The following LRRIQ1 variants were observed in gnomAD, a reference collection of about 807,000 sequenced individuals.
The protein encoded by LRRIQ1 is leucine-rich repeat- and IQ domain-containing protein 1.
Under a neutral mutation model 211.9 loss-of-function variants are expected in LRRIQ1, and 210 were observed. That is an observed-to-expected ratio of 0.99 (90% CI 0.89 to 1.11). LRRIQ1 has a LOEUF of 1.11. LRRIQ1 is among the 50% of genes most tolerant of loss of function. The pLI is 0.00. For missense variants in LRRIQ1, 2,136 were observed against 1,939.5 expected (o/e 1.10, Z -1.90); for synonymous variants, 699 against 650.1 (o/e 1.08, Z -1.14).
At chr12:85,270,683 C>T in the LRRIQ1 span, among the ~76,000 whole-genome samples, 1 of 151,972 alleles carries the variant, frequency 6.6e-6, no homozygotes, top group Non-Finnish European at 1.5e-5. Context: ...AAATATATAA[C>T]AACAACAAAC....
chr12:85,171,056 G>T (rs7302312), intron 24 of LRRIQ1, among the ~76,000 whole-genome samples: 91,019 of 151,976 alleles, frequency 0.6, 29,590 homozygotes, highest in African/African-American at 0.87. Context: ...AGAGAAACAA[G>T]AGACGATGTA....
intron 11 of LRRIQ1, among the ~76,000 whole-genome samples, chr12:85,088,806 G>T (rs1885092859): frequency 1.3e-5 from 2 of 152,190 alleles, no homozygotes; most frequent in African/African-American, 2.4e-5. Context: ...CTGAGACTTT[G>T]CTGAAGTTGC....
At chr12:85,222,978 T>C (rs1894472688) in intron 24 of LRRIQ1, among the ~76,000 whole-genome samples, 1 of 152,172 alleles carries the variant, frequency 6.6e-6, no homozygotes, top group African/African-American at 2.4e-5. Flanking sequence ...GGACTAGATC[T>C]TATTTCTGAT....
chr12:85,096,461 G>T (rs1217726578), intron 11 of LRRIQ1, among the ~76,000 whole-genome samples: 3 of 152,094 alleles, frequency 2.0e-5, no homozygotes, highest in Non-Finnish European at 4.4e-5. Context: ...CTGTAGTTGT[G>T]TGGGTTTTGA....
At chr12:85,043,226 C>T (rs1230371874) in intron 3 of LRRIQ1, among the ~76,000 whole-genome samples, 1 of 152,074 alleles carries the variant, frequency 6.6e-6, no homozygotes, top group East Asian at 1.9e-4. Flanking sequence ...TGACTGGGCT[C>T]ACCTGGACAG....
downstream of LRRIQ1, among the ~76,000 whole-genome samples, chr12:85,246,239 A>T (rs913214349): frequency 4.0e-5 from 6 of 151,216 alleles, no homozygotes; most frequent in Admixed American, 1.3e-4. Flanking sequence ...TTAAGAAATA[A>T]ATATTTTAAG....
chr12:85,102,944 CAAAAAAAA>C (rs761217598), intron 13 of LRRIQ1, among the ~76,000 whole-genome samples: 48 of 87,700 alleles, frequency 5.5e-4, no homozygotes, highest in East Asian at 2.1e-3. Flanking sequence ...CTAATTGTGG[CAAAAAAAA>C]AAAAAAAATA....
At position 85,073,043 on chromosome 12, in the gene LRRIQ1, C is replaced by T. The variant is rs542581043; in HGVS notation, c.2832C>T (p.Thr944=). The T allele has an allele frequency of 3.7e-6, 6 of 1,610,732 alleles. No individual in the cohort carries two copies. Among genetic ancestry groups the T allele is most frequent in the South Asian group, 3.3e-5 (3 of 90,694 alleles). ...TGLCWSWIPI[T]SLTKNSDCNF... is the part of the protein sequence containing the mutation. Reference sequence around the variant, plus strand: ...TATGTTGGTCCTGGATACCTATTACCTCACTTACAAAAAATTCAGATTGTA... The same window carrying T: ...TATGTTGGTCCTGGATACCTATTACTTCACTTACAAAAAATTCAGATTGTA... Residue 944 remains threonine, a synonymous_variant, in exon 11 of 27, where the codon ACC becomes ACT. Transcript: ENST00000393217.
At chr12:85,214,644 T>C (rs566363733) in intron 24 of LRRIQ1, among the ~76,000 whole-genome samples, 1 of 152,204 alleles carries the variant, frequency 6.6e-6, no homozygotes, top group South Asian at 2.1e-4. Context: ...CAGTGAGGAA[T>C]AGGTAGGGTT....
chr12:85,234,569 G>A (rs1593006695), intron 26 of LRRIQ1, among the ~76,000 whole-genome samples: 1 of 152,158 alleles, frequency 6.6e-6, no homozygotes, highest in East Asian at 1.9e-4. Context: ...CTGACTAAAG[G>A]ACCAGAGTAG....
intron 24 of LRRIQ1, among the ~76,000 whole-genome samples, chr12:85,190,589 T>C (rs1407597387): frequency 6.6e-6 from 1 of 151,092 alleles, no homozygotes; most frequent in African/African-American, 2.4e-5. Context: ...GCATATATTA[T>C]CTATATTATG....
intron 1 of LRRIQ1, among the ~76,000 whole-genome samples, chr12:85,255,786 A>T (rs924892512): frequency 1.3e-5 from 2 of 151,648 alleles, no homozygotes; most frequent in Admixed American, 6.6e-5. Flanking sequence ...TTAGGTGTTG[A>T]TATTTTGTTC....
intron 1 of LRRIQ1, chr12:85,262,908 T>A (rs1012595848): frequency 6.1e-6 from 6 of 977,320 alleles, no homozygotes; most frequent in Non-Finnish European, 6.1e-6. Flanking sequence ...TTAATATCAC[T>A]GTCTAGGTTG....
At chr12:85,078,240 A>G (rs1012187265) in intron 11 of LRRIQ1, among the ~76,000 whole-genome samples, 1 of 152,188 alleles carries the variant, frequency 6.6e-6, no homozygotes, top group African/African-American at 2.4e-5. Flanking sequence ...TTTATTAAGA[A>G]TAATTATTGG....
At chr12:85,085,913 T>C (rs944039891) in intron 11 of LRRIQ1, among the ~76,000 whole-genome samples, 4 of 152,226 alleles carry the variant, frequency 2.6e-5, no homozygotes, top group African/African-American at 9.6e-5. Flanking sequence ...AGTGCAGATA[T>C]CTTTTTGGTG....
intron 13 of LRRIQ1, 34 bp from the exon 14 acceptor site, chr12:85,103,970 A>G: frequency 7.4e-7 from 1 of 1,355,760 alleles, no homozygotes; most frequent in Non-Finnish European, 1.0e-6. Flanking sequence ...TTTCCAATTT[A>G]GAATTTTGAT....
At chr12:85,192,643 T>C (rs1892609476) in intron 24 of LRRIQ1, among the ~76,000 whole-genome samples, 1 of 93,948 alleles carries the variant, frequency 1.1e-5, no homozygotes, top group Admixed American at 1.5e-4. Context: ...TATATATAGT[T>C]ATATACTATA....
chr12:85,103,574 A>C (rs1176674246), intron 13 of LRRIQ1, among the ~76,000 whole-genome samples: 1 of 151,850 alleles, frequency 6.6e-6, no homozygotes, highest in Non-Finnish European at 1.5e-5. Flanking sequence ...GTACCTTAAA[A>C]GTTTTGGTTA....
chr12:85,095,232 A>G (rs148862463), intron 11 of LRRIQ1, among the ~76,000 whole-genome samples: 13 of 152,262 alleles, frequency 8.5e-5, no homozygotes, highest in African/African-American at 2.6e-4. Context: ...CCCATTCATT[A>G]TAATCTTGGT....
Sources: allele counts gnomAD v4.1 joint callset (sites outside exome capture counted in the v4.1 genomes callset), GRCh38; gene constraint gnomAD v4.1.1; transcripts MANE v1.5; gene names NCBI Gene and HGNC (gene_info 2026-07-23, HGNC 2026-07-21).